KCNQ4: variants seen among roughly 807,000 people sequenced by gnomAD.
KCNQ4 encodes potassium voltage-gated channel subfamily KQT member 4.
A neutral mutation model predicts 72.6 loss-of-function variants in KCNQ4; 31 were observed. That is an observed-to-expected ratio of 0.43 (90% CI 0.32 to 0.58). The LOEUF is 0.58. Among genes scored for constraint, KCNQ4 ranks in the 20% least tolerant of loss-of-function variants. The pLI is 0.08. For synonymous variants in KCNQ4, 405 were observed against 403.7 expected, an observed-to-expected ratio of 1.00 and a Z score of -0.04; for missense variants, 869 against 962.6, an observed-to-expected ratio of 0.90 and a Z score of 1.29.
At chr1:40,814,934 G>A (rs540048551) in intron 1 of KCNQ4, among the ~76,000 whole-genome samples, 1 of 151,804 alleles carries the variant, frequency 6.6e-6, no homozygotes, top group African/African-American at 2.4e-5. Context: ...TGTAATTACT[G>A]ACATGGCAAG....
At chr1:40,815,830 G>A (rs1442653737) in intron 1 of KCNQ4, among the ~76,000 whole-genome samples, 3 of 152,100 alleles carry the variant, frequency 2.0e-5, no homozygotes, top group Non-Finnish European at 4.4e-5. Context: ...CTCAGAGAAG[G>A]CAGGTGACAG....
chr1:40,819,234 G>A, intron 4 of KCNQ4, 113 bp from the exon 5 acceptor site: 1 of 1,324,044 alleles, frequency 7.6e-7, no homozygotes, highest in Non-Finnish European at 1.1e-6. Flanking sequence ...AAAGAAAAGC[G>A]AGCCTGGGAC....
rs1647982971 is a variant in KCNQ4, at chr1:40,813,386, C to T, written c.315-3879C>T. Among the ~76,000 whole-genome samples the T allele has an allele frequency of 4.6e-5, 7 of 152,104 alleles. No individual in the cohort carries two copies. In the South Asian group the frequency reaches 1.2e-3, roughly 27 times the overall value. On this transcript the variant is annotated intron_variant, in intron 1 of 13. Transcript: ENST00000347132. ...TGGCGGCTTGGTTGGGATGGTGCGACCTGGCCTGCCCAGGGATAGATTCTG... is the reference window on the plus strand; with the variant it reads ...TGGCGGCTTGGTTGGGATGGTGCGATCTGGCCTGCCCAGGGATAGATTCTG...
chr1:40,804,201 TG>T (rs1647680349), intron 1 of KCNQ4, among the ~76,000 whole-genome samples: 1 of 152,180 alleles, frequency 6.6e-6, no homozygotes, highest in Non-Finnish European at 1.5e-5. Context: ...CAAAGTCACA[TG>T]CAGCAGGAAG....
intron 7 of KCNQ4, 84 bp downstream of exon 7, chr1:40,820,344 C>T (rs962722440): frequency 1.7e-6 from 2 of 1,175,238 alleles, no homozygotes; most frequent in Admixed American, 2.0e-5. Context: ...ACCCATGTCC[C>T]CAGCCCAACT....
Position 40,822,294 on chromosome 1 carries a change from C to T in KCNQ4, c.1042-20C>T, listed in dbSNP as rs993855388. On this transcript the variant is annotated intron_variant, in intron 7 of 13. Transcript: ENST00000347132. ...GAGGCCTCACTGATGCCCCATCCCC[C>T]ACGTCCCCCATACCACCAGGCTGCC... 1.2e-6 allele frequency: 2 copies of T among 1,607,808 alleles called. No homozygotes were observed. Among genetic ancestry groups the T allele is most frequent in the Non-Finnish European group, 1.7e-6 (2 of 1,174,420 alleles).
intron 12 of KCNQ4, among the ~76,000 whole-genome samples, chr1:40,835,451 C>T (rs1216370284): frequency 6.6e-6 from 1 of 152,224 alleles, no homozygotes; most frequent in Non-Finnish European, 1.5e-5. Context: ...AAATTGTCCT[C>T]ACTGCCCACC....
chr1:40,802,406 G>T (rs905639611), intron 1 of KCNQ4, among the ~76,000 whole-genome samples: 8 of 152,178 alleles, frequency 5.3e-5, no homozygotes, highest in Non-Finnish European at 1.2e-4. Flanking sequence ...CCGGCCGGGC[G>T]GGGGAGGCCG....
At chr1:40,825,899 C>A (rs1177036028) in intron 9 of KCNQ4, among the ~76,000 whole-genome samples, 1 of 152,150 alleles carries the variant, frequency 6.6e-6, no homozygotes, top group Non-Finnish European at 1.5e-5. Context: ...CCCCAGGGCC[C>A]AGGAACAGAT....
chr1:40,833,225 A>G (rs1648706753), intron 11 of KCNQ4, 112 bp downstream of exon 11: 2 of 733,270 alleles, frequency 2.7e-6, no homozygotes, highest in Non-Finnish European at 4.7e-6. Flanking sequence ...CCTGGCCAAC[A>G]TGGTGAAACC....
intron 9 of KCNQ4, 27 bp from the exon 10 acceptor site, chr1:40,831,055 GCT>G: frequency 6.4e-7 from 1 of 1,551,410 alleles, no homozygotes; most frequent in Non-Finnish European, 8.7e-7. Context: ...GGCTAACTTG[GCT>G]CTCTCCCAAC....
Position 40,833,567 on chromosome 1 carries a change from G to A in KCNQ4, c.1613+454G>A, listed in dbSNP as rs866329328. ...TGGCCTCCAAGCTCCTTGGTGTGCCGTCCTGGCCTAGTCTCCATCTCCAGC... is the reference window on the plus strand; with the variant it reads ...TGGCCTCCAAGCTCCTTGGTGTGCCATCCTGGCCTAGTCTCCATCTCCAGC... On this transcript the variant is annotated intron_variant, in intron 11 of 13. Transcript: ENST00000347132. Among the ~76,000 whole-genome samples the A allele has an allele frequency of 2.6e-5, 4 of 152,046 alleles. No individual in the cohort carries two copies. In the South Asian group the frequency reaches 6.2e-4, roughly 24 times the overall value.
chr1:40,831,680 T>C (rs1648652551), intron 10 of KCNQ4, among the ~76,000 whole-genome samples: 1 of 152,218 alleles, frequency 6.6e-6, no homozygotes, highest in Non-Finnish European at 1.5e-5. Flanking sequence ...CCTAGGATTA[T>C]TGTGAGGATT....
rs1367870404 is a variant in KCNQ4, at chr1:40,839,855, C to A, written c.*1332C>A. 6.6e-6 allele frequency: 1 copy of A among 152,304 alleles called. No homozygotes were observed. Among genetic ancestry groups the A allele is most frequent in the Non-Finnish European group, 1.5e-5 (1 of 68,082 alleles). The allele number at this position is 152,304 out of a possible 1,614,324, so 9.4% of individuals were successfully genotyped here. On this transcript the variant is annotated 3_prime_UTR_variant, in exon 14 of 14. Coordinates refer to ENST00000347132, the MANE Select transcript of KCNQ4 (RefSeq NM_004700.4). ...AATAAGAATGCATGTAATAGCTATA[C>A]CAACCGCGCATCCGGCTTTCACATG...
chr1:40,800,577 C>T (rs1647543697), intron 1 of KCNQ4, among the ~76,000 whole-genome samples: 1 of 152,178 alleles, frequency 6.6e-6, no homozygotes, highest in African/African-American at 2.4e-5. Flanking sequence ...CCCAAGACAG[C>T]CTTACCCAGA....
intron 11 of KCNQ4, among the ~76,000 whole-genome samples, chr1:40,834,261 C>T (rs760207776): frequency 3.9e-5 from 6 of 152,184 alleles, no homozygotes; most frequent in Non-Finnish European, 7.3e-5. Flanking sequence ...AGTGGCACCA[C>T]CATCCACTTG....
In KCNQ4 at chr1:40,834,467, G is replaced by A. The variant is rs1648750224; in HGVS notation, c.1614-500G>A. 3.3e-5 allele frequency among the ~76,000 whole-genome samples: 5 copies of A among 152,148 alleles called. No individual in the cohort carries two copies. In the South Asian group the frequency reaches 8.3e-4, roughly 25 times the overall value. ...CATGCTAAAGCAGAGTAACTGAGCC[G>A]GGAACAGTGGGTCACACCTGTAGTC... is the stretch of plus-strand genomic sequence containing the variant. On this transcript the variant is annotated intron_variant, in intron 11 of 13. Coordinates refer to ENST00000347132, the MANE Select transcript of KCNQ4 (RefSeq NM_004700.4).
intron 1 of KCNQ4, among the ~76,000 whole-genome samples, chr1:40,815,176 G>C (rs542139927): frequency 4.6e-4 from 69 of 148,982 alleles, no homozygotes; most frequent in African/African-American, 1.7e-3. Context: ...GGAGGCGGAG[G>C]TTGCAGTGAG....
rs775995437 is a variant in KCNQ4, at chr1:40,794,080, A to T, written c.314+9673A>T. Among the ~76,000 whole-genome samples, 18 of 152,214 alleles carry T rather than the reference A, an allele frequency of 1.2e-4. No individual in the cohort carries two copies. The highest frequency in any genetic ancestry group is 2.4e-4 in the Non-Finnish European group (16 of 68,040). ...TTTGCCAACTAGAGAGAAGTGGAGA[A>T]AAGACCCCTCAGCCCTCTGTGTGGA... On this transcript the variant is annotated intron_variant, in intron 1 of 13. Coordinates refer to ENST00000347132, the MANE Select transcript of KCNQ4 (RefSeq NM_004700.4). The surrounding 1 kb of genome is among the most constrained non-coding windows in gnomAD (Gnocchi z 4.2).
Sources: allele counts gnomAD v4.1 joint callset (sites outside exome capture counted in the v4.1 genomes callset), GRCh38; gene constraint gnomAD v4.1.1; non-coding constraint Gnocchi (gnomAD v3.1); transcripts MANE v1.5; gene names NCBI Gene and HGNC (gene_info 2026-07-23, HGNC 2026-07-21).